LYRM7: variants seen among roughly 807,000 people sequenced by gnomAD.
LYRM7 encodes complex III assembly factor LYRM7.
LYRM7 carries 9 observed loss-of-function variants against 15.8 expected under a neutral mutation model. The ratio of observed to expected loss-of-function variants is 0.57; its 90% confidence interval spans 0.34 to 0.99. LYRM7 has a LOEUF of 0.99. Among genes scored for constraint, LYRM7 ranks in the 50% least tolerant of loss-of-function variants. The pLI, the probability that LYRM7 is intolerant of heterozygous loss-of-function variation, is 0.02. For synonymous variants in LYRM7, 39 were observed against 39.4 expected (o/e 0.99, Z 0.04); for missense variants, 115 against 119.1 (o/e 0.97, Z 0.16).
At chr5:131,199,115 A>C (rs1756017516) in intron 4 of LYRM7, among the ~76,000 whole-genome samples, 1 of 152,182 alleles carries the variant, frequency 6.6e-6, no homozygotes, top group African/African-American at 2.4e-5. Flanking sequence ...ACCCTCTTTT[A>C]AGAACAATTG....
intron 4 of LYRM7, among the ~76,000 whole-genome samples, chr5:131,193,363 A>C (rs1269223784): frequency 6.6e-6 from 1 of 152,262 alleles, no homozygotes; most frequent in Admixed American, 6.5e-5. Flanking sequence ...GTACAGCTAC[A>C]GTTCTTGGAA....
chr5:131,189,539 G>A (rs1228423528), intron 4 of LYRM7, among the ~76,000 whole-genome samples: 1 of 150,128 alleles, frequency 6.7e-6, no homozygotes, highest in Non-Finnish European at 1.5e-5. Flanking sequence ...TATGGTATGA[G>A]ATGGGAGGGT....
intron 1 of LYRM7, among the ~76,000 whole-genome samples, chr5:131,179,640 T>A (rs966809662): frequency 1.3e-5 from 2 of 151,980 alleles, no homozygotes; most frequent in East Asian, 1.9e-4. Context: ...TGACTAATTT[T>A]AAAAAAATAT....
chr5:131,174,564 A>C (rs1277379176), intron 1 of LYRM7, among the ~76,000 whole-genome samples: 1 of 152,182 alleles, frequency 6.6e-6, no homozygotes, highest in Non-Finnish European at 1.5e-5. Flanking sequence ...CTTTTAAATA[A>C]GACTTAGAAG....
intron 1 of LYRM7, 149 bp from the exon 2 acceptor site, chr5:131,179,944 ATT>A: frequency 2.2e-6 from 1 of 453,988 alleles, no homozygotes; most frequent in Non-Finnish European, 4.0e-6. Flanking sequence ...TCAAAAAAAA[ATT>A]TTTTTTTTGT....
chr5:131,199,107 C>A (rs868844778), intron 4 of LYRM7, among the ~76,000 whole-genome samples: 2 of 152,062 alleles, frequency 1.3e-5, no homozygotes, highest in Non-Finnish European at 2.9e-5. Flanking sequence ...CACAAAACAC[C>A]CTCTTTTAAG....
intron 1 of LYRM7, 82 bp downstream of exon 1, chr5:131,171,120 T>A: frequency 1.5e-6 from 2 of 1,354,850 alleles, no homozygotes; most frequent in Non-Finnish European, 1.9e-6. Flanking sequence ...CTGGAGTCTC[T>A]GGAGGCTGGG....
chr5:131,184,444 C>T (rs932115200), intron 3 of LYRM7, among the ~76,000 whole-genome samples: 3 of 152,006 alleles, frequency 2.0e-5, no homozygotes, highest in East Asian at 1.9e-4. Flanking sequence ...TGGCTTCAAG[C>T]GACCCTCCTG....
Position 131,174,812 on chromosome 5 carries a change from C to T in LYRM7, c.18+3774C>T, listed in dbSNP as rs938744443. Reference sequence around the variant, plus strand: ...TAAGCCATGATCGTACCACTGCACTCGAGCCTGGGTGACAGAACAAGGCCC... The same window carrying T: ...TAAGCCATGATCGTACCACTGCACTTGAGCCTGGGTGACAGAACAAGGCCC... On this transcript the variant is annotated intron_variant, in intron 1 of 4. Coordinates refer to ENST00000379380, the MANE Select transcript of LYRM7 (RefSeq NM_181705.4). Among the ~76,000 whole-genome samples the T allele has an allele frequency of 3.7e-4, 56 of 151,990 alleles. 1 individual carries two copies. The highest frequency in any genetic ancestry group is 1.8e-3 in the Admixed American group (28 of 15,248).
At chr5:131,184,558 G>A (rs1032843934) in intron 3 of LYRM7, among the ~76,000 whole-genome samples, 4 of 150,682 alleles carry the variant, frequency 2.7e-5, no homozygotes, top group South Asian at 2.1e-4. Context: ...TTTTTGAGAC[G>A]GAGTCTCACT....
intron 1 of LYRM7, among the ~76,000 whole-genome samples, chr5:131,178,107 AT>A (rs1755629788): frequency 6.6e-6 from 1 of 151,878 alleles, no homozygotes; most frequent in Non-Finnish European, 1.5e-5. Flanking sequence ...TTATTTTTAA[AT>A]TTTTTTGCTC....
intron 4 of LYRM7, among the ~76,000 whole-genome samples, chr5:131,192,477 C>A (rs1165643161): frequency 6.6e-6 from 1 of 152,094 alleles, no homozygotes; most frequent in Admixed American, 6.5e-5. Context: ...ATGCTAATTA[C>A]CCTGATTTGA....
chr5:131,194,594 C>T (rs1056735408), intron 4 of LYRM7, among the ~76,000 whole-genome samples: 16 of 152,164 alleles, frequency 1.1e-4, no homozygotes, highest in Admixed American at 7.2e-4. Context: ...GGAGTAGCAT[C>T]AGTGGTTTCA....
chr5:131,187,302 A>G (rs915313640), intron 4 of LYRM7, among the ~76,000 whole-genome samples, 193 bp downstream of exon 4: 36 of 152,092 alleles, frequency 2.4e-4, no homozygotes, highest in Non-Finnish European at 1.2e-4. Flanking sequence ...ATTTGTTTCA[A>G]TTTTTATTTT....
At position 131,179,902 on chromosome 5, in the gene LYRM7, C is replaced by G. The variant is rs192879494; in HGVS notation, c.19-193C>G. Among the ~76,000 whole-genome samples, 9 of 152,170 alleles carry G rather than the reference C, an allele frequency of 5.9e-5. No individual in the cohort carries two copies. In the East Asian group the frequency reaches 1.7e-3, roughly 29 times the overall value. The stretch of plus-strand genomic sequence containing the variant: ...GGTGAGCCAAGATCACACCACTGCA[C>G]TCCAGCCTGGGTGACAGAGTGAGAC... On this transcript the variant is annotated intron_variant, in intron 1 of 4. Transcript: ENST00000379380.
chr5:131,197,076 A>G (rs1367196842), intron 4 of LYRM7, among the ~76,000 whole-genome samples: 3 of 152,222 alleles, frequency 2.0e-5, no homozygotes, highest in African/African-American at 7.2e-5. Context: ...ATATTTAACC[A>G]TTTATTTTTC....
chr5:131,186,925 T>C, intron 3 of LYRM7, 103 bp from the exon 4 acceptor site: 1 of 676,910 alleles, frequency 1.5e-6, no homozygotes, highest in Admixed American at 2.8e-5. Flanking sequence ...GAAACTACTG[T>C]ATTACTTGAA....
intron 2 of LYRM7, among the ~76,000 whole-genome samples, chr5:131,181,647 G>A (rs1014780446): frequency 4.6e-5 from 7 of 150,972 alleles, no homozygotes; most frequent in Non-Finnish European, 8.8e-5. Flanking sequence ...TCCATTAAAC[G>A]CTCACAGCAG....
At chr5:131,180,774 T>G (rs546055497) in intron 2 of LYRM7, among the ~76,000 whole-genome samples, 1 of 152,350 alleles carries the variant, frequency 6.6e-6, no homozygotes, top group African/African-American at 2.4e-5. Flanking sequence ...ACAAATAAGA[T>G]ATATGTATTG....
Sources: gnomAD v4.1 joint callset for allele counts (sites outside exome capture counted in the v4.1 genomes callset) on GRCh38, gnomAD v4.1.1 for gene constraint, MANE v1.5 for transcripts, NCBI Gene and HGNC (gene_info 2026-07-23, HGNC 2026-07-21) for gene names.